Variants in ADGRL2 observed in about 807,000 individuals in gnomAD.
ADGRL2 encodes calcium-independent alpha-latrotoxin receptor 2.
Under a neutral mutation model 157.4 loss-of-function variants are expected in ADGRL2, and 44 were observed. The ratio of observed to expected loss-of-function variants is 0.28; its 90% CI spans 0.22 to 0.36. The LOEUF is 0.36. Ranked by LOEUF, ADGRL2 falls within the 10% of genes least tolerant of loss-of-function variation. The pLI is 1.00. For synonymous variants in ADGRL2, 585 were observed against 624.7 expected (o/e 0.94, Z 0.95); for missense variants, 1,510 against 1,768.9 (o/e 0.85, Z 2.63).
At chr1:81,881,040 A>G (rs2093973698) in intron 2 of ADGRL2, among the ~76,000 whole-genome samples, 1 of 152,196 alleles carries the variant, frequency 6.6e-6, no homozygotes, top group Non-Finnish European at 1.5e-5. Context: ...TAGGATAAAC[A>G]GGTTTATATG....
chr1:81,805,289 T>C (rs902445972), intron 1 of ADGRL2, among the ~76,000 whole-genome samples: 3 of 152,130 alleles, frequency 2.0e-5, no homozygotes, highest in Non-Finnish European at 4.4e-5. Context: ...GGGGGAACTT[T>C]TATCTTCAAT....
chr1:81,837,353 T>G (rs922111640), intron 2 of ADGRL2, among the ~76,000 whole-genome samples: 3 of 151,992 alleles, frequency 2.0e-5, no homozygotes, highest in African/African-American at 7.2e-5. Flanking sequence ...TTTACATTTA[T>G]TCACTACATT....
intron 3 of ADGRL2, 82 bp from the exon 4 acceptor site, chr1:81,936,646 T>C: frequency 6.7e-6 from 5 of 750,934 alleles, no homozygotes; most frequent in Non-Finnish European, 1.1e-5. Context: ...TTAAAGAAAA[T>C]GAGAAAAACT....
rs183165918 is a variant in ADGRL2 at position 81,910,506 on chromosome 1, T to C, written c.287+3276T>C. 7.2e-5 allele frequency among the ~76,000 whole-genome samples: 11 copies of C among 151,934 alleles called. No individual in the cohort carries two copies. The East Asian group carries it at 2.1e-3, about 29-fold the overall frequency. Reference sequence around the variant, plus strand: ...GAGAATGTGTTATAAACTTTAAAGCTATATAAATGATACCTCTTAACTGGA... The same window carrying C: ...GAGAATGTGTTATAAACTTTAAAGCCATATAAATGATACCTCTTAACTGGA... On this transcript the variant is annotated intron_variant, in intron 3 of 23. Coordinates refer to ENST00000686636, the MANE Select transcript of ADGRL2 (RefSeq NM_001366006.2).
At chr1:81,669,485 T>TTAAA (rs112243381) in intron 3 of ADGRL2, among the ~76,000 whole-genome samples, 1 of 151,606 alleles carries the variant, frequency 6.6e-6, no homozygotes, top group African/African-American at 2.4e-5. Flanking sequence ...CAAGTATTTA[T>TTAAA]TATTTACTGT....
chr1:81,617,649 A>G (rs2081689866), intron 3 of ADGRL2, among the ~76,000 whole-genome samples: 1 of 152,248 alleles, frequency 6.6e-6, no homozygotes, highest in African/African-American at 2.4e-5. Flanking sequence ...CTACTTGCAC[A>G]CAGAATCTTT....
At chr1:81,606,892 C>T (rs1365767080) in intron 3 of ADGRL2, among the ~76,000 whole-genome samples, 2 of 152,082 alleles carry the variant, frequency 1.3e-5, no homozygotes, top group African/African-American at 4.8e-5. Context: ...ACAAAGTCAA[C>T]TGTAGTACAT....
intron 1 of ADGRL2, among the ~76,000 whole-genome samples, chr1:81,349,880 A>T (rs1257312840): frequency 6.6e-6 from 1 of 151,612 alleles, no homozygotes; most frequent in Non-Finnish European, 1.5e-5. Flanking sequence ...AAACAACAAC[A>T]AAAAAATACA....
intron 2 of ADGRL2, among the ~76,000 whole-genome samples, chr1:81,455,740 G>C (rs1217224678): frequency 6.6e-6 from 1 of 152,160 alleles, no homozygotes; most frequent in Non-Finnish European, 1.5e-5. Context: ...CATATATGCT[G>C]TTCAGCATTA....
intron 1 of ADGRL2, among the ~76,000 whole-genome samples, chr1:81,734,579 T>G (rs1473252223): frequency 6.8e-6 from 1 of 147,368 alleles, no homozygotes; most frequent in East Asian, 2.0e-4. Flanking sequence ...ACCCAGTTTG[T>G]AGTCACTTGT....
Position 81,476,632 on chromosome 1 carries a change from G to A in ADGRL2, c.-248+31543G>A, listed in dbSNP as rs115223935. Among the ~76,000 whole-genome samples, 375 of 152,068 alleles carry A rather than the reference G, an allele frequency of 2.5e-3. 1 individual carries two copies. The highest frequency in any genetic ancestry group is 8.8e-3 in the African/African-American group (366 of 41,472). On this transcript the variant is annotated intron_variant, in intron 2 of 24. Transcript: ENST00000370721. ...ATTTTCCTGTCAATTCTTTTCAATGGATTCCATAGAAATCTCGCAAAGTTG... is the reference window on the plus strand; with the variant it reads ...ATTTTCCTGTCAATTCTTTTCAATGAATTCCATAGAAATCTCGCAAAGTTG...
chr1:81,877,582 G>A (rs1490069018), intron 2 of ADGRL2, among the ~76,000 whole-genome samples: 1 of 151,858 alleles, frequency 6.6e-6, no homozygotes, highest in African/African-American at 2.4e-5. Flanking sequence ...GAATGAACCA[G>A]GAATATTTAA....
At chr1:81,361,910 C>T (rs146142489) in intron 1 of ADGRL2, among the ~76,000 whole-genome samples, 2 of 151,816 alleles carry the variant, frequency 1.3e-5, no homozygotes, top group African/African-American at 4.8e-5. Flanking sequence ...CATTCAATAA[C>T]CCTCTGTTCC....
chr1:81,640,332 T>C (rs953666564), intron 3 of ADGRL2, among the ~76,000 whole-genome samples: 6 of 151,704 alleles, frequency 4.0e-5, no homozygotes, highest in Admixed American at 1.3e-4. Context: ...AAAGGAGAAA[T>C]TGTCAAATAA....
In ADGRL2 at chr1:81,971,930, C is replaced by T; in HGVS notation, c.3021+12C>T. On this transcript the variant is annotated intron_variant, in intron 17 of 23. Coordinates refer to ENST00000686636, the MANE Select transcript of ADGRL2 (RefSeq NM_001366006.2). ...CCTTCATTATTCTGGTAAGCAGGTT[C>T]TGTTTTCCCTTGCTTTTTAGCTTGC... 1 of 1,593,480 alleles carries T rather than the reference C, an allele frequency of 6.3e-7. No homozygotes were observed. Among genetic ancestry groups the T allele is most frequent in the Admixed American group, 1.7e-5 (1 of 58,632 alleles).
chr1:81,674,522 T>C (rs1439581591), intron 3 of ADGRL2, among the ~76,000 whole-genome samples: 1 of 152,172 alleles, frequency 6.6e-6, no homozygotes, highest in Non-Finnish European at 1.5e-5. Context: ...GCTGTTTTTA[T>C]TTGCGCCCAA....
intron 1 of ADGRL2, among the ~76,000 whole-genome samples, chr1:81,395,988 G>T (rs550792548): frequency 2.6e-5 from 4 of 152,174 alleles, no homozygotes; most frequent in Middle Eastern, 3.4e-3. Flanking sequence ...AATCCTTTCT[G>T]CTCAGGATTG....
At chr1:81,864,224 G>A (rs537215193) in intron 2 of ADGRL2, among the ~76,000 whole-genome samples, 14 of 152,242 alleles carry the variant, frequency 9.2e-5, no homozygotes, top group African/African-American at 3.4e-4. Context: ...TATTATAAGA[G>A]ACTCAGTGTG....
intron 2 of ADGRL2, among the ~76,000 whole-genome samples, chr1:81,890,045 A>T (rs922810474): frequency 1.7e-4 from 26 of 152,120 alleles, no homozygotes; most frequent in African/African-American, 6.0e-4. Flanking sequence ...GAATTTTGGG[A>T]TCTTATGCAC....
Sources: gnomAD v4.1 joint callset for allele counts (sites outside exome capture counted in the v4.1 genomes callset) on GRCh38, gnomAD v4.1.1 for gene constraint, MANE v1.5 for transcripts, NCBI Gene and HGNC (gene_info 2026-07-23, HGNC 2026-07-21) for gene names.